The following PPP2R1B variants were observed in gnomAD, a reference collection of about 807,000 sequenced individuals.
PPP2R1B encodes protein phosphatase 2 scaffold subunit Abeta, also known as serine/threonine-protein phosphatase 2A 65 kDa regulatory subunit A beta isoform.
A neutral mutation model predicts 72.7 loss-of-function variants in PPP2R1B; 58 were observed. The ratio of observed to expected loss-of-function variants is 0.80; its 90% CI spans 0.65 to 0.99. The LOEUF (loss-of-function observed/expected upper bound fraction) is 0.99, where lower values mean the gene tolerates loss of function less well. Among genes scored for constraint, PPP2R1B ranks in the 50% least tolerant of loss-of-function variants. The probability of loss-of-function intolerance (pLI) is 0.00; values close to 1 mark genes in which losing one functional copy is unlikely to be tolerated. For missense variants in PPP2R1B, 695 were observed against 733.6 expected (o/e 0.95, Z 0.61); for synonymous variants, 256 against 264.6 (o/e 0.97, Z 0.32).
At chr11:111,744,329 T>C (rs778371855) in intron 11 of PPP2R1B, among the ~76,000 whole-genome samples, 13 of 152,172 alleles carry the variant, frequency 8.5e-5, no homozygotes, top group East Asian at 1.9e-4. Flanking sequence ...TGGTCATCTA[T>C]ACAACAGCAA....
the PPP2R1B span, among the ~76,000 whole-genome samples, chr11:111,717,554 G>A: frequency 3.9e-5 from 6 of 152,062 alleles, no homozygotes; most frequent in Non-Finnish European, 8.8e-5. Flanking sequence ...AGGATCTAGA[G>A]GCAGAAATAC....
the PPP2R1B span, among the ~76,000 whole-genome samples, chr11:111,717,317 C>CAAAAAAA: frequency 8.1e-5 from 4 of 49,466 alleles, 1 homozygote; most frequent in African/African-American, 1.5e-4. Context: ...GACTCCGTCT[C>CAAAAAAA]AAAAAAAAAA....
rs1231251824 is a variant in PPP2R1B, at chr11:111,738,775, C to G, written c.*2821G>C. On this transcript the variant is annotated 3_prime_UTR_variant, in exon 15 of 15. Coordinates refer to ENST00000527614, the MANE Select transcript of PPP2R1B (RefSeq NM_002716.5). ...GGTAGCACAGAGAGAGAAACAAGAC[C>G]TGGTCTCTTAAACCTGTGAGGGGTA... 29 of 985,322 alleles carry G rather than the reference C, an allele frequency of 2.9e-5. No homozygotes were observed. The highest frequency in any genetic ancestry group is 3.1e-5 in the Non-Finnish European group (26 of 829,950). The allele number at this position is 985,322 out of a possible 1,614,324, so 61.0% of individuals were successfully genotyped here.
chr11:111,753,649 CAG>C (rs1937542652), intron 8 of PPP2R1B, 72 bp from the exon 9 acceptor site: 16 of 1,480,228 alleles, frequency 1.1e-5, no homozygotes, highest in East Asian at 7.0e-5. Context: ...TTCTGGGAAA[CAG>C]AGTCTTGCTC....
intron 10 of PPP2R1B, among the ~76,000 whole-genome samples, chr11:111,749,959 G>A (rs1944841960): frequency 6.6e-6 from 1 of 152,170 alleles, no homozygotes; most frequent in Non-Finnish European, 1.5e-5. Context: ...CAGCAAATCA[G>A]TTAATCACTG....
At chr11:111,748,395 C>G (rs1395965973) in intron 10 of PPP2R1B, among the ~76,000 whole-genome samples, 1 of 152,272 alleles carries the variant, frequency 6.6e-6, no homozygotes, top group South Asian at 2.1e-4. Flanking sequence ...TCTCAATCGT[C>G]TTCCCTTTTT....
chr11:111,723,260 T>A (rs912076197), downstream of PPP2R1B, among the ~76,000 whole-genome samples: 1 of 151,976 alleles, frequency 6.6e-6, no homozygotes, highest in African/African-American at 2.4e-5. Flanking sequence ...AAACTCGGAG[T>A]CAGAGAAAAT....
chr11:111,755,581 CATCTTT>C (rs1482686081), intron 5 of PPP2R1B, 131 bp from the exon 6 acceptor site: 2 of 639,476 alleles, frequency 3.1e-6, no homozygotes, highest in African/African-American at 2.0e-5. Context: ...CACGTCTTGA[CATCTTT>C]TTCTTTTTTT....
At chr11:111,704,647 C>T in the PPP2R1B span, among the ~76,000 whole-genome samples, 31 of 152,236 alleles carry the variant, frequency 2.0e-4, no homozygotes, top group East Asian at 2.7e-3. Flanking sequence ...CTTACACCAC[C>T]GTTACAGCTA....
chr11:111,700,923 G>C, the PPP2R1B span: 1 of 1,614,048 alleles, frequency 6.2e-7, no homozygotes, highest in Non-Finnish European at 8.5e-7. Flanking sequence ...GTGGTGAACT[G>C]CTGGCAACAT....
the PPP2R1B span, among the ~76,000 whole-genome samples, chr11:111,708,274 C>T: frequency 6.6e-6 from 1 of 151,926 alleles, no homozygotes; most frequent in Non-Finnish European, 1.5e-5. Flanking sequence ...CCCAGCTATG[C>T]GGGAGGCTGA....
Position 111,727,058 on chromosome 11 carries a change from C to T in PPP2R1B, c.1912-1G>A. The T allele has an allele frequency of 1.2e-6, 2 of 1,613,574 alleles. No individual in the cohort carries two copies. Among genetic ancestry groups the T allele is most frequent in the Non-Finnish European group, 1.7e-6 (2 of 1,179,628 alleles). On this transcript the variant is annotated splice_acceptor_variant, in intron 15 of 15. Transcript: ENST00000311129. LOFTEE classifies it high-confidence loss of function. ...CTCCACGCAACTGATACACTGGTCC[C>T]TGTAAGGCAAACAGCATGTTAGCCC... is the stretch of plus-strand genomic sequence containing the variant.
At chr11:111,745,409 A>G (rs1944673427) in intron 11 of PPP2R1B, among the ~76,000 whole-genome samples, 1 of 152,176 alleles carries the variant, frequency 6.6e-6, no homozygotes, top group Admixed American at 6.5e-5. Context: ...TACCATAGGA[A>G]GGGATCTCTA....
Position 111,755,597 on chromosome 11 carries a change from T to C in PPP2R1B, c.688-147A>G, listed in dbSNP as rs566740083. 6.1e-5 allele frequency: 47 copies of C among 770,482 alleles called. No individual in the cohort carries two copies. In the African/African-American group the frequency reaches 8.1e-4, roughly 13 times the overall value. The allele number at this position is 770,482 out of a possible 1,614,324, so 47.7% of individuals were successfully genotyped here. On this transcript the variant is annotated intron_variant, in intron 5 of 14. Coordinates refer to ENST00000527614, the MANE Select transcript of PPP2R1B (RefSeq NM_002716.5). ...ACGTCTTGACATCTTTTTCTTTTTT[T>C]TTTTTTTTTTGAGGCAGGGTCTCAC...
In PPP2R1B at chr11:111,740,248, C is replaced by T. The variant is rs70937057; in HGVS notation, c.*1348G>A. 397 of 977,664 alleles carry T rather than the reference C, an allele frequency of 4.1e-4. No homozygotes were observed. The Admixed American group carries it at 7.8e-3, about 19-fold the overall frequency. 60.6% of individuals were successfully genotyped at this position (977,664 alleles called of 1,614,324 possible). A position where few individuals can be genotyped will look rare whatever the true frequency, so the allele number is the denominator to read the frequency against. ...GTTGTTTTTTTTTGAGATGGACTCTCGCTCTATGGCCCAGGCTAGAGTGCA... is the reference window on the plus strand; with the variant it reads ...GTTGTTTTTTTTTGAGATGGACTCTTGCTCTATGGCCCAGGCTAGAGTGCA... On this transcript the variant is annotated 3_prime_UTR_variant, in exon 15 of 15. Transcript: ENST00000527614.
chr11:111,706,817 G>A, the PPP2R1B span, among the ~76,000 whole-genome samples: 7 of 151,818 alleles, frequency 4.6e-5, no homozygotes, highest in South Asian at 4.2e-4. Flanking sequence ...AAAATTAGCC[G>A]AGTGTGGCAG....
chr11:111,726,352 G>C (rs1943966184), downstream of PPP2R1B: 1 of 152,432 alleles, frequency 6.6e-6, no homozygotes, highest in Non-Finnish European at 1.5e-5. Flanking sequence ...GCCGATGAGG[G>C]ACTGCAGAGA....
At position 111,738,757 on chromosome 11, in the gene PPP2R1B, CAG is replaced by C. The variant is rs1052873737; in HGVS notation, c.*2837_*2838del. 5 of 985,388 alleles carry C rather than the reference CAG, an allele frequency of 5.1e-6. No individual in the cohort carries two copies. Among genetic ancestry groups the C allele is most frequent in the East Asian group, 1.1e-4 (1 of 8,810 alleles). The allele number at this position is 985,388 out of a possible 1,614,324, so 61.0% of individuals were successfully genotyped here. On this transcript the variant is annotated 3_prime_UTR_variant, in exon 15 of 15. Coordinates refer to ENST00000527614, the MANE Select transcript of PPP2R1B (RefSeq NM_002716.5). ...TCAGGTTCACATCTTCTTGGTAGCA[CAG>C]AGAGAGAAACAAGACCTGGTCTCTT...
chr11:111,746,915 ATCCT>A (rs1334931127), intron 11 of PPP2R1B, among the ~76,000 whole-genome samples: 2 of 152,162 alleles, frequency 1.3e-5, no homozygotes, highest in African/African-American at 4.8e-5. Flanking sequence ...ATTTTTTCAC[ATCCT>A]TCCTCTTCAC....
Sources: gnomAD v4.1 joint callset for allele counts (sites outside exome capture counted in the v4.1 genomes callset) on GRCh38, gnomAD v4.1.1 for gene constraint, MANE v1.5 for transcripts, NCBI Gene and HGNC (gene_info 2026-07-23, HGNC 2026-07-21) for gene names.